Variants in METAP2 observed in about 807,000 individuals in gnomAD.
METAP2 encodes the protein methionine aminopeptidase 2.
METAP2 carries 25 observed loss-of-function variants against 59.4 expected under a neutral mutation model. The observed-to-expected ratio is 0.42, with a 90% CI of 0.31 to 0.59. The LOEUF is 0.59. Ranked by LOEUF, METAP2 falls within the 20% of genes least tolerant of loss-of-function variation. The probability of loss-of-function intolerance (pLI) is 0.16; values close to 1 mark genes in which losing one functional copy is unlikely to be tolerated. For synonymous variants in METAP2, 214 were observed against 194.1 expected, an observed-to-expected ratio of 1.10 and a Z score of -0.85; for missense variants, 366 against 581.2, an observed-to-expected ratio of 0.63 and a Z score of 3.81.
At chr12:95,488,582 G>A (rs191808891) in intron 4 of METAP2, among the ~76,000 whole-genome samples, 4 of 147,512 alleles carry the variant, frequency 2.7e-5, no homozygotes, top group East Asian at 2.0e-4. Context: ...TCTTGAACAC[G>A]TATTTTGTGT....
intron 4 of METAP2, among the ~76,000 whole-genome samples, chr12:95,491,695 A>G (rs530316627): frequency 1.3e-5 from 2 of 151,988 alleles, no homozygotes; most frequent in East Asian, 1.9e-4. Context: ...TATTTTTAGT[A>G]GAAACAGGGT....
intron 2 of METAP2, among the ~76,000 whole-genome samples, chr12:95,478,471 A>G (rs577058012): frequency 6.6e-6 from 1 of 152,148 alleles, no homozygotes; most frequent in East Asian, 1.9e-4. Flanking sequence ...TCTCTACTAA[A>G]AATACAAAAA....
At chr12:95,493,063 T>G (rs1054108469) in intron 4 of METAP2, among the ~76,000 whole-genome samples, 1 of 152,230 alleles carries the variant, frequency 6.6e-6, no homozygotes, top group Non-Finnish European at 1.5e-5. Context: ...AGTTGCAAAC[T>G]GTATATTCAG....
chr12:95,488,963 T>A (rs1445435842), intron 4 of METAP2, among the ~76,000 whole-genome samples: 1 of 152,222 alleles, frequency 6.6e-6, no homozygotes. Context: ...TTCTGAAAAT[T>A]GACAGTTTAT....
rs143758742 is a variant in METAP2 at position 95,488,434 on chromosome 12, A to G, written c.428+2453A>G. 6.7e-3 allele frequency among the ~76,000 whole-genome samples: 990 copies of G among 147,092 alleles called. 5 individuals are homozygous for G. Among genetic ancestry groups the G allele is most frequent in the African/African-American group, 0.023 (911 of 39,488 alleles). ...TGAGGCAGGAGAATCGCTTGAACACAGGAGATGGAGGTTGCAGTGAGCTGA... is the reference window on the plus strand; with the variant it reads ...TGAGGCAGGAGAATCGCTTGAACACGGGAGATGGAGGTTGCAGTGAGCTGA... On this transcript the variant is annotated intron_variant, in intron 4 of 10. Transcript: ENST00000323666.
At position 95,492,132 on chromosome 12, in the gene METAP2, T is replaced by TTGTGTGTGTGTG. The variant is rs61423721; in HGVS notation, c.429-1912_429-1901dup. 4.6e-3 allele frequency among the ~76,000 whole-genome samples: 694 copies of TTGTGTGTGTGTG among 149,418 alleles called. 3 individuals carry two copies. Among genetic ancestry groups the TTGTGTGTGTGTG allele is most frequent in the African/African-American group, 9.8e-3 (397 of 40,416 alleles). ...CTATCGTGTGTATGTATATGTGTGT[T>TTGTGTGTGTGTG]TGTGTGTGTGTGTGTGTGTGTGTAT... On this transcript the variant is annotated intron_variant, in intron 4 of 10. Transcript: ENST00000323666.
chr12:95,483,475 CAAAAAAAAA>C (rs141083015), intron 3 of METAP2, 195 bp downstream of exon 3: 38 of 66,660 alleles, frequency 5.7e-4, no homozygotes, highest in African/African-American at 1.9e-3. Flanking sequence ...GACTCTGTCT[CAAAAAAAAA>C]AAAAAAAAAA....
chr12:95,494,756 A>G (rs1390357689), intron 5 of METAP2, among the ~76,000 whole-genome samples: 1 of 151,712 alleles, frequency 6.6e-6, no homozygotes, highest in Admixed American at 6.6e-5. Flanking sequence ...TAGCAGAATC[A>G]AATTCCTTGT....
At chr12:95,482,249 C>CTA in intron 2 of METAP2, 1 of 430,176 alleles carries the variant, frequency 2.3e-6, no homozygotes, top group South Asian at 1.7e-5. Flanking sequence ...GTAACTGGGA[C>CTA]TATGGGCGCA....
In METAP2 at chr12:95,503,955, A is replaced by G. The variant is rs1594433224; in HGVS notation, c.868-110A>G. ...AAAGTATTTTAAACAGGAAGTTACA[A>G]TGTACAAAGCAGTTTTTCTGATTGT... On this transcript the variant is annotated intron_variant, in intron 7 of 10. Coordinates refer to ENST00000323666, the MANE Select transcript of METAP2 (RefSeq NM_006838.4). 8 of 723,970 alleles carry G rather than the reference A, an allele frequency of 1.1e-5. No individual in the cohort carries two copies. In the East Asian group the frequency reaches 2.1e-4, roughly 19 times the overall value. 44.8% of individuals were successfully genotyped at this position (723,970 alleles called of 1,614,324 possible). A position where few individuals can be genotyped will look rare whatever the true frequency, so the allele number is the denominator to read the frequency against.
chr12:95,498,973 G>A lies in METAP2; in HGVS notation c.867+2875G>A, dbSNP rs1319450717. On this transcript the variant is annotated intron_variant, in intron 7 of 10. Coordinates refer to ENST00000323666, the MANE Select transcript of METAP2 (RefSeq NM_006838.4). ...TGAGGCCTCAGTGAGACAAGATTAC[G>A]CCACTGCGTTCCAGCCTGGGTAAAA... Among the ~76,000 whole-genome samples the A allele has an allele frequency of 2.6e-5, 4 of 151,268 alleles. No homozygotes were observed. The East Asian group carries it at 5.9e-4, about 22-fold the overall frequency.
intron 7 of METAP2, among the ~76,000 whole-genome samples, chr12:95,497,290 CTACTA>C: frequency 6.6e-6 from 1 of 152,216 alleles, no homozygotes; most frequent in South Asian, 2.1e-4. Flanking sequence ...AACCACCATT[CTACTA>C]TATATGATTT....
intron 1 of METAP2, among the ~76,000 whole-genome samples, chr12:95,475,161 T>G: frequency 6.6e-6 from 1 of 152,206 alleles, no homozygotes; most frequent in East Asian, 1.9e-4. Context: ...CTCCTTCACC[T>G]TAATAAAAAT....
At chr12:95,512,710 CAAAAAGAGAGAGAG>C in intron 9 of METAP2, 77 bp from the exon 10 acceptor site, 1 of 736,176 alleles carries the variant, frequency 1.4e-6, no homozygotes, top group Non-Finnish European at 2.3e-6. Flanking sequence ...GACTCTGTCT[CAAAAAGAGAGAGAG>C]AGAAAGAGAG....
At chr12:95,490,024 A>C (rs990290756) in intron 4 of METAP2, among the ~76,000 whole-genome samples, 1 of 151,884 alleles carries the variant, frequency 6.6e-6, no homozygotes, top group South Asian at 2.1e-4. Flanking sequence ...ATAACATTCC[A>C]TTTTCTCCTT....
At chr12:95,488,296 TC>T in intron 4 of METAP2, among the ~76,000 whole-genome samples, 1 of 151,770 alleles carries the variant, frequency 6.6e-6, no homozygotes, top group South Asian at 2.1e-4. Flanking sequence ...GGTCAGGAGT[TC>T]AAGACCAGCC....
chr12:95,500,270 G>C (rs914192804), intron 7 of METAP2, among the ~76,000 whole-genome samples: 1 of 151,680 alleles, frequency 6.6e-6, no homozygotes, highest in South Asian at 2.1e-4. Context: ...TCTTGTACTT[G>C]GTTGAATTAA....
intron 7 of METAP2, among the ~76,000 whole-genome samples, chr12:95,500,068 C>CT (rs1192515016): frequency 6.6e-6 from 1 of 151,762 alleles, no homozygotes; most frequent in Non-Finnish European, 1.5e-5. Context: ...CCATTTATGT[C>CT]TTTAATTTAT....
At chr12:95,512,304 G>T (rs909324664) in intron 9 of METAP2, among the ~76,000 whole-genome samples, 1 of 152,106 alleles carries the variant, frequency 6.6e-6, no homozygotes, top group East Asian at 1.9e-4. Flanking sequence ...ATTCATAGGG[G>T]GAAGCAGAAA....
Sources: gnomAD v4.1 joint callset for allele counts (sites outside exome capture counted in the v4.1 genomes callset) on GRCh38, gnomAD v4.1.1 for gene constraint, MANE v1.5 for transcripts, NCBI Gene and HGNC (gene_info 2026-07-23, HGNC 2026-07-21) for gene names.